Variants in SLCO6A1 observed in about 807,000 individuals in gnomAD.
The protein encoded by SLCO6A1 is cancer/testis antigen 48.
Under a neutral mutation model 72.7 loss-of-function variants are expected in SLCO6A1, and 65 were observed. That is an observed-to-expected ratio of 0.89 (90% CI 0.73 to 1.10). SLCO6A1 has a LOEUF of 1.10. Ranked by LOEUF, SLCO6A1 falls within the 50% of genes least tolerant of loss-of-function variation. The pLI, the probability that SLCO6A1 is intolerant of heterozygous loss-of-function variation, is 0.00. For synonymous variants in SLCO6A1, 314 were observed against 298.2 expected (o/e 1.05, Z -0.55); for missense variants, 874 against 872.6 (o/e 1.00, Z -0.02).
At chr5:102,404,481 G>A (rs970695859) in intron 9 of SLCO6A1, among the ~76,000 whole-genome samples, 3 of 152,204 alleles carry the variant, frequency 2.0e-5, no homozygotes, top group Non-Finnish European at 2.9e-5. Context: ...ACTCCAGCCT[G>A]GGTGATGGAG....
At chr5:102,453,436 T>C (rs1167611650) in intron 6 of SLCO6A1, among the ~76,000 whole-genome samples, 1 of 152,204 alleles carries the variant, frequency 6.6e-6, no homozygotes, top group Non-Finnish European at 1.5e-5. Context: ...CTTTGTTTAC[T>C]ACATCCAACA....
At chr5:102,421,339 T>A (rs1245041927) in intron 7 of SLCO6A1, among the ~76,000 whole-genome samples, 1 of 151,926 alleles carries the variant, frequency 6.6e-6, no homozygotes, top group Admixed American at 6.6e-5. Flanking sequence ...CAGGTTCCAC[T>A]CCCATGGAGC....
At chr5:102,413,550 G>T (rs1748108520) in intron 8 of SLCO6A1, among the ~76,000 whole-genome samples, 1 of 152,068 alleles carries the variant, frequency 6.6e-6, no homozygotes, top group South Asian at 2.1e-4. Context: ...AATATGTCTG[G>T]TTTCTTTGGC....
At chr5:102,463,972 T>C (rs1162566563) in intron 4 of SLCO6A1, among the ~76,000 whole-genome samples, 5 of 151,346 alleles carry the variant, frequency 3.3e-5, no homozygotes, top group Admixed American at 3.3e-4. Flanking sequence ...TCTCACTCAT[T>C]AGTGGGAGCT....
intron 7 of SLCO6A1, among the ~76,000 whole-genome samples, chr5:102,427,158 T>A (rs1420277501): frequency 6.6e-6 from 1 of 152,052 alleles, no homozygotes; most frequent in Non-Finnish European, 1.5e-5. Flanking sequence ...GAAACCTGGA[T>A]ATTAAAAAAT....
chr5:102,395,761 T>C (rs1747038007), intron 10 of SLCO6A1, among the ~76,000 whole-genome samples: 1 of 152,316 alleles, frequency 6.6e-6, no homozygotes, highest in Middle Eastern at 3.4e-3. Context: ...TATCTCACTG[T>C]GGTTTTGATT....
chr5:102,496,776 T>A (rs1752928274), intron 1 of SLCO6A1, among the ~76,000 whole-genome samples: 1 of 152,310 alleles, frequency 6.6e-6, no homozygotes, highest in South Asian at 2.1e-4. Flanking sequence ...ATAAATATAA[T>A]TACCCCCTTA....
intron 7 of SLCO6A1, among the ~76,000 whole-genome samples, chr5:102,429,258 G>A (rs1177322512): frequency 1.3e-5 from 2 of 152,062 alleles, no homozygotes; most frequent in East Asian, 1.9e-4. Context: ...AGATTGTCTA[G>A]TTTACTCTGT....
intron 1 of SLCO6A1, among the ~76,000 whole-genome samples, chr5:102,486,922 C>T (rs949392181): frequency 1.3e-5 from 2 of 152,062 alleles, no homozygotes; most frequent in African/African-American, 4.8e-5. Flanking sequence ...TCTTTAATTT[C>T]ACAAAAAATA....
chr5:102,473,819 A>C (rs972732705), intron 4 of SLCO6A1, among the ~76,000 whole-genome samples: 5 of 152,038 alleles, frequency 3.3e-5, no homozygotes, highest in Non-Finnish European at 5.9e-5. Context: ...CACAAATATC[A>C]GTTGTGTTTC....
chr5:102,444,589 G>T (rs1218619086), intron 6 of SLCO6A1, among the ~76,000 whole-genome samples: 1 of 152,036 alleles, frequency 6.6e-6, no homozygotes, highest in African/African-American at 2.4e-5. Flanking sequence ...AGAAAATGCT[G>T]CTAATTGCAA....
Position 102,373,458 on chromosome 5 carries a change from G to A in SLCO6A1, c.2054C>T (p.Thr685Ile), listed in dbSNP as rs1369033299. The change falls in exon 13 of 14, where the codon ACT becomes ATT. Residue 685 changes from threonine (T) to isoleucine (I), a missense_variant. Transcript: ENST00000506729. ...LCKLCTIIFT[T>I]IAFFIYKRRL... ...ACGTTTGTATATGAAAAATGCAATA[G>A]TAGTGAAGATGATAGTGCATAGTTT... 1 of 1,565,736 alleles carries A rather than the reference G, an allele frequency of 6.4e-7. No homozygotes were observed. The highest frequency in any genetic ancestry group is 8.6e-7 in the Non-Finnish European group (1 of 1,157,928).
At chr5:102,453,350 A>AAAAG (rs900185494) in intron 6 of SLCO6A1, among the ~76,000 whole-genome samples, 3 of 151,462 alleles carry the variant, frequency 2.0e-5, no homozygotes, top group African/African-American at 7.3e-5. Flanking sequence ...AAAAAAAAAA[A>AAAAG]AAAGAAAGAA....
intron 7 of SLCO6A1, among the ~76,000 whole-genome samples, chr5:102,436,477 T>G (rs1749542485): frequency 6.6e-6 from 1 of 152,236 alleles, no homozygotes; most frequent in Non-Finnish European, 1.5e-5. Context: ...AAAGGGAACC[T>G]AATGTCACTT....
At position 102,446,793 on chromosome 5, in the gene SLCO6A1, C is replaced by T. The variant is rs111267519; in HGVS notation, c.1132-8032G>A. On this transcript the variant is annotated intron_variant, in intron 6 of 13. Coordinates refer to ENST00000506729, the MANE Select transcript of SLCO6A1 (RefSeq NM_173488.5). ...TTTTTGAGATGGAGACTCACTCTGT[C>T]GCCCAGGCTGGAGTGCAGTGGAGCG... Among the ~76,000 whole-genome samples, 163 of 151,972 alleles carry T rather than the reference C, an allele frequency of 1.1e-3. 2 individuals are homozygous for T. Among genetic ancestry groups the T allele is most frequent in the African/African-American group, 3.6e-3 (149 of 41,464 alleles).
Position 102,471,494 on chromosome 5 carries a change from T to C in SLCO6A1, c.899+4203A>G, listed in dbSNP as rs759200854. Among the ~76,000 whole-genome samples, 74 of 152,214 alleles carry C rather than the reference T, an allele frequency of 4.9e-4. 1 individual carries two copies. Among genetic ancestry groups the C allele is most frequent in the Admixed American group, 1.4e-3 (21 of 15,262 alleles). On this transcript the variant is annotated intron_variant, in intron 4 of 13. Transcript: ENST00000506729. ...ACATTCACACGCTTAAATGTTTCCT[T>C]TTCTCTGGAAATATTCTCTAGCGTT...
intron 7 of SLCO6A1, among the ~76,000 whole-genome samples, chr5:102,428,783 G>A (rs1454863764): frequency 2.0e-5 from 3 of 152,104 alleles, no homozygotes; most frequent in Non-Finnish European, 4.4e-5. Context: ...TCTTTGTATA[G>A]AAAAATTTAT....
intron 10 of SLCO6A1, among the ~76,000 whole-genome samples, chr5:102,391,859 AGAAT>A (rs77157639): frequency 0.62 from 93,729 of 151,284 alleles, 29,243 homozygotes; most frequent in Non-Finnish European, 0.64. Context: ...CCAAATATAA[AGAAT>A]GAAGATCTGT....
At chr5:102,409,687 A>T (rs1747867627) in intron 9 of SLCO6A1, among the ~76,000 whole-genome samples, 2 of 152,182 alleles carry the variant, frequency 1.3e-5, no homozygotes, top group South Asian at 4.1e-4. Flanking sequence ...ATTAAGTATC[A>T]AATGTTATCA....
Sources: allele counts gnomAD v4.1 joint callset (sites outside exome capture counted in the v4.1 genomes callset), GRCh38; gene constraint gnomAD v4.1.1; transcripts MANE v1.5; gene names NCBI Gene and HGNC (gene_info 2026-07-23, HGNC 2026-07-21).